SEPTIN4: variants seen among roughly 807,000 people sequenced by gnomAD.
The protein encoded by SEPTIN4 is septin 4.
A neutral mutation model predicts 107.1 loss-of-function variants in SEPTIN4; 52 were observed. The ratio of observed to expected loss-of-function variants is 0.49; its 90% CI spans 0.39 to 0.61. SEPTIN4 has a LOEUF of 0.61. Ranked by LOEUF, SEPTIN4 falls within the 20% of genes least tolerant of loss-of-function variation. SEPTIN4 has a pLI of 0.00. For synonymous variants in SEPTIN4, 417 were observed against 467.0 expected, an observed-to-expected ratio of 0.89 and a Z score of 1.38; for missense variants, 1,048 against 1,243.5, an observed-to-expected ratio of 0.84 and a Z score of 2.36.
In SEPTIN4 at chr17:58,526,227, C is replaced by T. The variant is rs1429812713; in HGVS notation, c.1998G>A (p.Met666Ile). The change falls in exon 5 of 14, where the codon ATG (methionine) becomes ATA (isoleucine). Residue 666 changes from methionine to isoleucine, a missense_variant. This residue lies in a region of SEPTIN4 where 787 missense variants were observed against 871.8 expected (regional missense o/e 0.90). Transcript: ENST00000672673. ...GCCCTGCCCCTTTTTTACCTGCCACCATGAGGGTAAAGTCAAAGCCTTTCT... is the reference window on the plus strand; with the variant it reads ...GCCCTGCCCCTTTTTTACCTGCCACTATGAGGGTAAAGTCAAAGCCTTTCT... The part of the protein sequence containing the change: ...SVKKGFDFTL[M>I]VAGESGLGKS... 6.3e-7 allele frequency: 1 copy of T among 1,595,438 alleles called. No homozygotes were observed. Among genetic ancestry groups the T allele is most frequent in the Non-Finnish European group, 8.5e-7 (1 of 1,171,372 alleles).
Position 58,542,983 on chromosome 17 carries a change from T to G in SEPTIN4, c.1204A>C (p.Ile402Leu). The G allele has an allele frequency of 6.2e-7, 1 of 1,613,164 alleles. No homozygotes were observed. Among genetic ancestry groups the G allele is most frequent in the East Asian group, 2.2e-5 (1 of 44,872 alleles). The change falls in exon 1 of 14, where the codon ATC (isoleucine) becomes CTC (leucine). Residue 402 changes from isoleucine to leucine, a missense_variant. By Grantham distance (5) the Ile-to-Leu change is conservative. Coordinates refer to ENST00000672673, the MANE Select transcript of SEPTIN4 (RefSeq NM_001368771.2). ...RYPELSQKPS[I>L]HAELELTPRP... ...GGGGTCAGTTCCAGTTCTGCATGGA[T>G]GGAGGGCTTTTGCGAGAGTTCTGGA... is the stretch of plus-strand genomic sequence containing the variant.
chr17:58,541,882 A>G (rs2043886034), intron 2 of SEPTIN4, 40 bp downstream of exon 2: 6 of 1,613,960 alleles, frequency 3.7e-6, no homozygotes, highest in African/African-American at 1.3e-5. Flanking sequence ...CCCATCCCCC[A>G]AGCTCCCACA....
At chr17:58,520,587 C>T (rs950941236) in intron 13 of SEPTIN4, 102 bp from the exon 14 acceptor site, 35 of 1,534,584 alleles carry the variant, frequency 2.3e-5, no homozygotes, top group South Asian at 7.9e-5. Context: ...CCTTGGTAGC[C>T]GTGAGGTGTG....
intron 3 of SEPTIN4, among the ~76,000 whole-genome samples, chr17:58,533,918 C>T (rs1214497036): frequency 6.6e-6 from 1 of 152,186 alleles, no homozygotes; most frequent in Non-Finnish European, 1.5e-5. Flanking sequence ...CAGGCCCCAG[C>T]AGAAACCCTT....
rs1324271278 is a variant in SEPTIN4, at chr17:58,520,726, C to T, written c.2931+17G>A. 2 of 1,613,992 alleles carry T rather than the reference C, an allele frequency of 1.2e-6. No homozygotes were observed. Among genetic ancestry groups the T allele is most frequent in the African/African-American group, 1.3e-5 (1 of 75,026 alleles). On this transcript the variant is annotated intron_variant, in intron 13 of 13. Coordinates refer to ENST00000672673, the MANE Select transcript of SEPTIN4 (RefSeq NM_001368771.2). The stretch of plus-strand genomic sequence containing the variant: ...GATCAAACAGGAGACCTCCCCTATA[C>T]CCCATACTGCTCTCACCTCCTCATC...
chr17:58,520,878 C>G (rs752646552), intron 12 of SEPTIN4, 36 bp from the exon 13 acceptor site: 1 of 1,613,870 alleles, frequency 6.2e-7, no homozygotes, highest in Admixed American at 1.7e-5. Context: ...GCGAGGAGGA[C>G]CCCAGCACCC....
At position 58,543,638 on chromosome 17, in the gene SEPTIN4, G is replaced by A; in HGVS notation, c.549C>T (p.Asn183=). The A allele has an allele frequency of 6.2e-7, 1 of 1,614,172 alleles. No individual in the cohort carries two copies. Among genetic ancestry groups the A allele is most frequent in the Non-Finnish European group, 8.5e-7 (1 of 1,180,020 alleles). ...LEDDPPSKVQ[N]PQGVRVPRRI... is the part of the protein sequence containing the mutation. Reference sequence around the variant, plus strand: ...TACGGGGAACTCTGACTCCTTGGGGGTTCTGGACCTTGGATGGTGGGTCAT... The same window carrying A: ...TACGGGGAACTCTGACTCCTTGGGGATTCTGGACCTTGGATGGTGGGTCAT... The change falls in exon 1 of 14, where the codon AAC becomes AAT. Residue 183 remains asparagine, a synonymous_variant. Coordinates refer to ENST00000672673, the MANE Select transcript of SEPTIN4 (RefSeq NM_001368771.2).
chr17:58,522,007 C>A lies in SEPTIN4; in HGVS notation c.2311G>T (p.Val771Leu), dbSNP rs753457719. ...LNRKNIQDNR[V>L]HCCLYFISPF... ...GAGATGAAGTACAGGCAGCAGTGCA[C>A]CCTGTTGTCTTGGATGTTCTTTCGG... Residue 771 changes from valine (V) to leucine (L), a missense_variant, in exon 8 of 14, where the codon GTG becomes TTG. This residue lies in a region of SEPTIN4 where 261 missense variants were observed against 371.7 expected (regional missense o/e 0.70). Coordinates refer to ENST00000672673, the MANE Select transcript of SEPTIN4 (RefSeq NM_001368771.2). 22 of 1,614,082 alleles carry A rather than the reference C, an allele frequency of 1.4e-5. No homozygotes were observed. The Admixed American group carries it at 3.3e-4, about 24-fold the overall frequency.
At chr17:58,529,301 T>G (rs948201452) in intron 3 of SEPTIN4, 20 of 1,561,004 alleles carry the variant, frequency 1.3e-5, no homozygotes, top group Middle Eastern at 3.4e-4. Flanking sequence ...CTTGCTCCTT[T>G]CCCTTTCTCT....
rs924543776 is a variant in SEPTIN4, at chr17:58,538,604, C to T, written c.1614+2062G>A. ...TGACCCATTAGGGCACCCTCAGGAC[C>T]TTCCTGTTGAGCTTTTGCTAGTTCT... is the stretch of plus-strand genomic sequence containing the variant. On this transcript the variant is annotated intron_variant, in intron 3 of 13. Coordinates refer to ENST00000672673, the MANE Select transcript of SEPTIN4 (RefSeq NM_001368771.2). This position sits in a 1 kb window ranked among gnomAD's most constrained non-coding sequence, Gnocchi z 4.7. Among the ~76,000 whole-genome samples, 1 of 152,122 alleles carries T rather than the reference C, an allele frequency of 6.6e-6. No individual in the cohort carries two copies. The highest frequency in any genetic ancestry group is 1.5e-5 in the Non-Finnish European group (1 of 68,020).
At chr17:58,531,505 G>C (rs2043459745) in intron 3 of SEPTIN4, 1 of 152,738 alleles carries the variant, frequency 6.5e-6, no homozygotes, top group Non-Finnish European at 1.5e-5. Flanking sequence ...GGCAGGCAGT[G>C]TTTGTGGGCC....
chr17:58,525,062 G>GC lies in SEPTIN4; in HGVS notation c.2216+15dup. ...GTGGCTCAGGGGCAGCTGGGATTGT[G>GC]CTTACTCAGACATACCACTCTGTGT... On this transcript the variant is annotated intron_variant, in intron 7 of 13. Coordinates refer to ENST00000672673, the MANE Select transcript of SEPTIN4 (RefSeq NM_001368771.2). 6.2e-7 allele frequency: 1 copy of GC among 1,614,032 alleles called. No individual in the cohort carries two copies. Among genetic ancestry groups the GC allele is most frequent in the South Asian group, 1.1e-5 (1 of 91,066 alleles).
intron 3 of SEPTIN4, among the ~76,000 whole-genome samples, chr17:58,533,137 T>C (rs2043581072): frequency 6.6e-6 from 1 of 152,068 alleles, no homozygotes; most frequent in South Asian, 2.1e-4. Flanking sequence ...GTAGCACTGG[T>C]TGGGACCAGT....
intron 12 of SEPTIN4, 27 bp from the exon 13 acceptor site, chr17:58,520,869 C>T (rs762621895): frequency 1.1e-5 from 18 of 1,613,890 alleles, no homozygotes; most frequent in East Asian, 2.2e-5. Flanking sequence ...GTTGATAAGG[C>T]GAGGAGGACC....
intron 3 of SEPTIN4, among the ~76,000 whole-genome samples, chr17:58,535,001 C>T (rs1054473183): frequency 2.6e-5 from 4 of 152,214 alleles, no homozygotes; most frequent in East Asian, 1.9e-4. Context: ...CCTAAAGTGG[C>T]GCAAGAACTA....
intron 1 of SEPTIN4, among the ~76,000 whole-genome samples, 163 bp from the exon 2 acceptor site, chr17:58,542,129 G>A (rs528745770): frequency 3.3e-5 from 5 of 152,112 alleles, no homozygotes; most frequent in South Asian, 2.1e-4. Flanking sequence ...ACTATATATC[G>A]TATTCCCACT....
rs531695961 is a variant in SEPTIN4 at position 58,536,775 on chromosome 17, G to A, written c.1614+3891C>T. On this transcript the variant is annotated intron_variant, in intron 3 of 13. Coordinates refer to ENST00000672673, the MANE Select transcript of SEPTIN4 (RefSeq NM_001368771.2). ...GAGCCAAAGGCAGCTGAGCAGAGGA[G>A]GGTGAGGGGACATGGCCATTTCTGC... 3.3e-5 allele frequency among the ~76,000 whole-genome samples: 5 copies of A among 152,354 alleles called. No homozygotes were observed. In the South Asian group the frequency reaches 1.0e-3, roughly 32 times the overall value.
chr17:58,521,896 GC>G lies in SEPTIN4; in HGVS notation c.2352-44del, dbSNP rs1378759652. The G allele has an allele frequency of 5.6e-6, 9 of 1,614,120 alleles. No homozygotes were observed. The highest frequency in any genetic ancestry group is 7.6e-6 in the Non-Finnish European group (9 of 1,180,044). On this transcript the variant is annotated intron_variant, in intron 8 of 13. Coordinates refer to ENST00000672673, the MANE Select transcript of SEPTIN4 (RefSeq NM_001368771.2). This position sits in a 1 kb window ranked among gnomAD's most constrained non-coding sequence, Gnocchi z 6.4. Reference sequence around the variant, plus strand: ...GTGACCACCTGCTAGTGGCAGCCCTGCCCCTGGTGCTCTTGGCCTGTTCCCT... The same window carrying G: ...GTGACCACCTGCTAGTGGCAGCCCTGCCCTGGTGCTCTTGGCCTGTTCCCT...
At position 58,543,615 on chromosome 17, in the gene SEPTIN4, C is replaced by T. The variant is rs140186503; in HGVS notation, c.572G>A (p.Arg191His). The change falls in exon 1 of 14, where the codon CGT (arginine) becomes CAT (histidine). Residue 191 changes from arginine (R) to histidine (H), a missense_variant. Physicochemically the swap from Arg to His is conservative, Grantham distance 29. This residue lies in a region of SEPTIN4 where 787 missense variants were observed against 871.8 expected (regional missense o/e 0.90). Coordinates refer to ENST00000672673, the MANE Select transcript of SEPTIN4 (RefSeq NM_001368771.2). The part of the protein sequence containing the change: ...VQNPQGVRVP[R>H]RILSYPKDEA... ...ATCCTTTGGGTAAGACAAAATCCTA[C>T]GGGGAACTCTGACTCCTTGGGGGTT... 6.7e-5 allele frequency: 108 copies of T among 1,614,070 alleles called. No homozygotes were observed. Among genetic ancestry groups the T allele is most frequent in the Non-Finnish European group, 8.2e-5 (97 of 1,180,044 alleles).
Sources: allele counts gnomAD v4.1 joint callset (sites outside exome capture counted in the v4.1 genomes callset), GRCh38; gene constraint gnomAD v4.1.1; regional missense constraint gnomAD v4.1.1; non-coding constraint Gnocchi (gnomAD v3.1); transcripts MANE v1.5; gene names NCBI Gene and HGNC (gene_info 2026-07-23, HGNC 2026-07-21).